LEKR1: variants seen among roughly 807,000 people sequenced by gnomAD.
LEKR1 encodes the protein leucine, glutamate and lysine rich 1.
In LEKR1, 59 loss-of-function variants were observed where a neutral mutation model predicts 72.4. The ratio of observed to expected loss-of-function variants is 0.82; its 90% confidence interval spans 0.66 to 1.01. The LOEUF is 1.01. Among genes scored for constraint, LEKR1 ranks in the 50% least tolerant of loss-of-function variants. The pLI is 0.00. For synonymous variants in LEKR1, 257 were observed against 263.2 expected (o/e 0.98, Z 0.23); for missense variants, 728 against 759.2 (o/e 0.96, Z 0.48).
intron 11 of LEKR1, among the ~76,000 whole-genome samples, chr3:157,025,739 AATC>A (rs1734138232): frequency 6.6e-6 from 1 of 152,178 alleles, no homozygotes; most frequent in Non-Finnish European, 1.5e-5. Context: ...AATTCTTAAT[AATC>A]TAACTGGGCA....
chr3:156,963,882 T>A (rs1488814754), intron 6 of LEKR1, among the ~76,000 whole-genome samples: 2 of 152,130 alleles, frequency 1.3e-5, no homozygotes, highest in African/African-American at 2.4e-5. Context: ...GCATATACAT[T>A]GTTATCATTA....
chr3:156,899,269 C>T (rs1281951404), intron 3 of LEKR1, among the ~76,000 whole-genome samples: 1 of 146,064 alleles, frequency 6.8e-6, no homozygotes, highest in East Asian at 2.0e-4. Context: ...TATATATACA[C>T]ACATGTATAT....
At chr3:156,831,753 C>G (rs939975371) in intron 2 of LEKR1, among the ~76,000 whole-genome samples, 4 of 152,160 alleles carry the variant, frequency 2.6e-5, no homozygotes, top group African/African-American at 9.7e-5. Flanking sequence ...TCAATTATCT[C>G]CCACCAGGTC....
chr3:156,865,915 G>A (rs1717260742), intron 3 of LEKR1, among the ~76,000 whole-genome samples: 1 of 151,942 alleles, frequency 6.6e-6, no homozygotes, highest in Non-Finnish European at 1.5e-5. Flanking sequence ...AGATCATCAG[G>A]AAGACATTTG....
intron 3 of LEKR1, among the ~76,000 whole-genome samples, chr3:156,882,979 A>G (rs1719614313): frequency 6.6e-6 from 1 of 151,602 alleles, no homozygotes; most frequent in Non-Finnish European, 1.5e-5. Context: ...AGGAAGGGGA[A>G]CATCACACTC....
intron 3 of LEKR1, among the ~76,000 whole-genome samples, chr3:156,899,373 T>C (rs866221566): frequency 2.3e-4 from 27 of 117,448 alleles, no homozygotes; most frequent in Non-Finnish European, 2.9e-4. Flanking sequence ...CATATATACA[T>C]ATATACACAT....
chr3:156,870,258 G>A (rs1717772876), intron 3 of LEKR1, among the ~76,000 whole-genome samples: 1 of 152,028 alleles, frequency 6.6e-6, no homozygotes, highest in African/African-American at 2.4e-5. Context: ...ATATTTGAAA[G>A]GGACTGCATT....
chr3:156,838,784 G>C (rs1175620287), intron 2 of LEKR1, among the ~76,000 whole-genome samples: 1 of 152,092 alleles, frequency 6.6e-6, no homozygotes, highest in Non-Finnish European at 1.5e-5. Flanking sequence ...ACTGGTGGGG[G>C]GCTGACAAAC....
At chr3:156,974,942 G>A (rs932160737) in intron 6 of LEKR1, among the ~76,000 whole-genome samples, 9 of 152,254 alleles carry the variant, frequency 5.9e-5, no homozygotes, top group East Asian at 1.9e-4. Context: ...CTCAAGGTGA[G>A]AAGTGATGAG....
intron 7 of LEKR1, among the ~76,000 whole-genome samples, chr3:156,982,855 G>GTGTAGA (rs1373147511): frequency 3.3e-4 from 46 of 140,100 alleles, no homozygotes; most frequent in Non-Finnish European, 4.4e-4. Flanking sequence ...GTGTGTGTGT[G>GTGTAGA]TAGATAGATA....
rs1333956621 is a variant in LEKR1 at position 156,958,307 on chromosome 3, A to G, written c.745+15593A>G. On this transcript the variant is annotated intron_variant, in intron 6 of 12. Coordinates refer to ENST00000356539, the MANE Select transcript of LEKR1 (RefSeq NM_001004316.3). ...ATCTTTCTGGTGAACTGATTATACC[A>G]ACATATTTTTCTTCCCAATTCATTT... Among the ~76,000 whole-genome samples the G allele has an allele frequency of 2.0e-5, 3 of 152,204 alleles. No homozygotes were observed. The East Asian group carries it at 5.8e-4, about 29-fold the overall frequency.
At chr3:157,036,054 A>G (rs961055101) in intron 12 of LEKR1, among the ~76,000 whole-genome samples, 6 of 152,224 alleles carry the variant, frequency 3.9e-5, no homozygotes, top group Non-Finnish European at 8.8e-5. Context: ...TTGGGGACAC[A>G]TTTTTAAACA....
chr3:156,956,194 C>G (rs936853573), intron 6 of LEKR1, among the ~76,000 whole-genome samples: 4 of 151,936 alleles, frequency 2.6e-5, no homozygotes, highest in Non-Finnish European at 5.9e-5. Flanking sequence ...CACAAGAACT[C>G]TCTGGTGAGG....
chr3:156,843,871 A>G (rs978456109), intron 2 of LEKR1, among the ~76,000 whole-genome samples: 1 of 151,896 alleles, frequency 6.6e-6, no homozygotes, highest in Non-Finnish European at 1.5e-5. Flanking sequence ...TGTGTTTTTA[A>G]GCAATTGTAG....
chr3:156,986,851 G>A (rs1730732545), intron 7 of LEKR1, among the ~76,000 whole-genome samples: 1 of 152,172 alleles, frequency 6.6e-6, no homozygotes, highest in African/African-American at 2.4e-5. Flanking sequence ...TGTGAAAGAA[G>A]CAGATAAGGG....
intron 3 of LEKR1, 27 bp downstream of exon 3, chr3:156,853,009 T>C (rs1199768217): frequency 7.0e-7 from 1 of 1,432,518 alleles, no homozygotes; most frequent in South Asian, 1.3e-5. Flanking sequence ...TTTTCTATCA[T>C]TTATTTAGTT....
At chr3:156,844,729 A>G (rs1714363688) in intron 2 of LEKR1, among the ~76,000 whole-genome samples, 1 of 152,064 alleles carries the variant, frequency 6.6e-6, no homozygotes, top group African/African-American at 2.4e-5. Flanking sequence ...CATGGTATGA[A>G]TGTACCAGTT....
intron 7 of LEKR1, chr3:156,988,473 C>T (rs1409970608): frequency 1.5e-5 from 3 of 194,688 alleles, no homozygotes; most frequent in Admixed American, 1.0e-4. Flanking sequence ...CCCTTACCCA[C>T]GAAAATTCCT....
chr3:156,907,470 A>G (rs530924886), intron 3 of LEKR1, among the ~76,000 whole-genome samples: 1 of 152,170 alleles, frequency 6.6e-6, no homozygotes, highest in South Asian at 2.1e-4. Flanking sequence ...CTGTTCCTCT[A>G]ATACTGACCA....
Sources: allele counts gnomAD v4.1 joint callset (sites outside exome capture counted in the v4.1 genomes callset), GRCh38; gene constraint gnomAD v4.1.1; transcripts MANE v1.5; gene names NCBI Gene and HGNC (gene_info 2026-07-23, HGNC 2026-07-21).